Variants in ASIC2 observed in about 807,000 individuals in gnomAD.
ASIC2 encodes the protein acid sensing ion channel subunit 2, also known as acid-sensing ion channel 2.
ASIC2 carries 25 observed loss-of-function variants against 57.3 expected under a neutral mutation model. The ratio of observed to expected loss-of-function variants is 0.44; its 90% confidence interval spans 0.32 to 0.61. ASIC2 has a LOEUF of 0.61. ASIC2 is among the 20% of genes least tolerant of loss of function. The pLI is 0.06. For synonymous variants in ASIC2, 319 were observed against 307.5 expected (o/e 1.04, Z -0.39); for missense variants, 641 against 738.1 (o/e 0.87, Z 1.52).
intron 1 of ASIC2, among the ~76,000 whole-genome samples, chr17:33,586,692 C>T (rs955125170): frequency 2.6e-5 from 4 of 152,112 alleles, no homozygotes; most frequent in Non-Finnish European, 5.9e-5. Flanking sequence ...TAAGTTCTTT[C>T]TTATTCTTTA....
intron 1 of ASIC2, among the ~76,000 whole-genome samples, chr17:33,733,388 C>T (rs779882632): frequency 5.3e-5 from 8 of 152,160 alleles, no homozygotes; most frequent in Non-Finnish European, 5.9e-5. Flanking sequence ...ACCTTGTTTG[C>T]CTAGGACTTT....
At chr17:33,195,847 A>T (rs1487365038) in intron 1 of ASIC2, among the ~76,000 whole-genome samples, 2 of 152,140 alleles carry the variant, frequency 1.3e-5, no homozygotes, top group African/African-American at 4.8e-5. Flanking sequence ...TGGGTCATAG[A>T]GTGGGCTGTG....
intron 1 of ASIC2, among the ~76,000 whole-genome samples, chr17:33,368,732 T>C (rs1597702008): frequency 6.6e-6 from 1 of 152,180 alleles, no homozygotes; most frequent in African/African-American, 2.4e-5. Flanking sequence ...TGGACTTTGC[T>C]TCTTTGGCCA....
At chr17:33,961,443 T>C (rs865877119) in intron 1 of ASIC2, among the ~76,000 whole-genome samples, 1 of 152,194 alleles carries the variant, frequency 6.6e-6, no homozygotes, top group African/African-American at 2.4e-5. Context: ...CCCGAGCTTA[T>C]GTCCCTGGGA....
chr17:33,067,074 A>T (rs912207538), intron 3 of ASIC2, among the ~76,000 whole-genome samples: 1 of 152,204 alleles, frequency 6.6e-6, no homozygotes, highest in African/African-American at 2.4e-5. Context: ...GCAAAAGACC[A>T]GAATCTTTGG....
chr17:33,157,502 G>A (rs945152266), intron 1 of ASIC2, among the ~76,000 whole-genome samples: 2 of 152,134 alleles, frequency 1.3e-5, no homozygotes, highest in African/African-American at 4.8e-5. Context: ...CCTTACATCA[G>A]TAAATAGCTT....
chr17:33,330,870 T>C (rs1396057631), intron 1 of ASIC2, among the ~76,000 whole-genome samples: 1 of 152,134 alleles, frequency 6.6e-6, no homozygotes, highest in Non-Finnish European at 1.5e-5. Flanking sequence ...CTGACTGGCC[T>C]AGGGTTTGCA....
chr17:33,597,138 A>T (rs1478057375), intron 1 of ASIC2, among the ~76,000 whole-genome samples: 1 of 152,224 alleles, frequency 6.6e-6, no homozygotes, highest in Admixed American at 6.5e-5. Flanking sequence ...TCAGAGCTTC[A>T]TTCCCATCAA....
intron 1 of ASIC2, among the ~76,000 whole-genome samples, chr17:33,865,759 T>TAAAAAAAAAAAAAAAAA (rs61218521): frequency 8.2e-6 from 1 of 122,104 alleles, no homozygotes; most frequent in African/African-American, 3.1e-5. Context: ...AAAAAAAAAA[T>TAAAAAAAAAAAAAAAAA]AAAAAAAAAA....
chr17:34,095,607 T>TTATATA (rs3071169), intron 1 of ASIC2, among the ~76,000 whole-genome samples: 183 of 96,114 alleles, frequency 1.9e-3, no homozygotes, highest in Admixed American at 5.6e-3. Context: ...CAGGCAAATT[T>TTATATA]TATATATATA....
chr17:34,104,596 C>A (rs1376919429), intron 1 of ASIC2, among the ~76,000 whole-genome samples: 1 of 152,008 alleles, frequency 6.6e-6, no homozygotes, highest in Non-Finnish European at 1.5e-5. Context: ...GACTCTTGCA[C>A]ATGCTCTCTA....
intron 1 of ASIC2, among the ~76,000 whole-genome samples, chr17:33,607,873 A>C (rs1905268456): frequency 6.6e-6 from 1 of 152,200 alleles, no homozygotes; most frequent in African/African-American, 2.4e-5. Flanking sequence ...TGAAGACCCT[A>C]ATAGGAACTT....
rs902049053 is a variant in ASIC2 at position 33,098,694 on chromosome 17, G to A, written c.860-9704C>T. On this transcript the variant is annotated intron_variant, in intron 2 of 9. Transcript: ENST00000225823. ...TATTTTAAAGACGCTATGACGTCCT[G>A]CAGCAAAAACATGTTATACTTTGTT... 2.6e-5 allele frequency among the ~76,000 whole-genome samples: 4 copies of A among 152,166 alleles called. No homozygotes were observed. In the South Asian group the frequency reaches 8.3e-4, roughly 32 times the overall value.
At chr17:33,123,710 C>T (rs940618841) in intron 1 of ASIC2, among the ~76,000 whole-genome samples, 1 of 152,216 alleles carries the variant, frequency 6.6e-6, no homozygotes, top group Non-Finnish European at 1.5e-5. Context: ...GCCTTCCCAG[C>T]TCCTATCCCA....
At chr17:33,653,949 A>G (rs1314964024) in intron 1 of ASIC2, among the ~76,000 whole-genome samples, 1 of 152,226 alleles carries the variant, frequency 6.6e-6, no homozygotes, top group Non-Finnish European at 1.5e-5. Context: ...AAAGGCAAAC[A>G]TTATATTCTT....
chr17:33,633,859 G>A (rs1249563237), intron 1 of ASIC2, among the ~76,000 whole-genome samples: 4 of 152,308 alleles, frequency 2.6e-5, no homozygotes, highest in African/African-American at 9.6e-5. Context: ...GTCTAGCCTA[G>A]TGACCCTGAG....
Position 33,088,869 on chromosome 17 carries a change from C to T in ASIC2, c.981G>A (p.Glu327=). The part of the protein sequence containing the change: ...PGFQTFVATQ[E]QRLTYLPPPW... ...GGGAGCCCAGGGAACTTACCCTCTG[C>T]TCCTGTGTGGCCACAAAGGTCTGGA... Residue 327 remains glutamate, a synonymous_variant, in exon 3 of 10, where the codon GAG becomes GAA. Coordinates refer to ENST00000225823, the MANE Select transcript of ASIC2 (RefSeq NM_183377.2). The T allele has an allele frequency of 6.2e-7, 1 of 1,612,482 alleles. No homozygotes were observed. Among genetic ancestry groups the T allele is most frequent in the Non-Finnish European group, 8.5e-7 (1 of 1,179,302 alleles).
At chr17:33,897,694 A>G (rs1417220054) in intron 1 of ASIC2, among the ~76,000 whole-genome samples, 1 of 152,148 alleles carries the variant, frequency 6.6e-6, no homozygotes, top group Non-Finnish European at 1.5e-5. Context: ...CAACAATATT[A>G]CCTTTGCTCG....
At chr17:33,021,131 G>A in intron 7 of ASIC2, 88 bp downstream of exon 7, 2 of 979,102 alleles carry the variant, frequency 2.0e-6, no homozygotes, top group East Asian at 2.5e-5. Context: ...CTATGTGTCT[G>A]TCTGCTTGCC....
Sources: gnomAD v4.1 joint callset for allele counts (sites outside exome capture counted in the v4.1 genomes callset) on GRCh38, gnomAD v4.1.1 for gene constraint, MANE v1.5 for transcripts, NCBI Gene and HGNC (gene_info 2026-07-23, HGNC 2026-07-21) for gene names.